Variants in GHITM observed in about 807,000 individuals in gnomAD.
The protein encoded by GHITM is growth hormone inducible transmembrane protein.
Under a neutral mutation model 38.7 loss-of-function variants are expected in GHITM, and 24 were observed. The observed-to-expected ratio is 0.62, with a 90% CI of 0.45 to 0.87. The LOEUF is 0.87. Ranked by LOEUF, GHITM falls within the 40% of genes least tolerant of loss-of-function variation. The probability of loss-of-function intolerance (pLI) is 0.00; values close to 1 mark genes in which losing one functional copy is unlikely to be tolerated. For missense variants in GHITM, 420 were observed against 429.8 expected, an observed-to-expected ratio of 0.98 and a Z score of 0.20; for synonymous variants, 154 against 147.8, an observed-to-expected ratio of 1.04 and a Z score of -0.30.
Position 84,144,314 on chromosome 10 carries a change from G to A in GHITM, c.341+208G>A, listed in dbSNP as rs137866366. On this transcript the variant is annotated intron_variant, in intron 4 of 8. Transcript: ENST00000372134. Reference sequence around the variant, plus strand: ...AAAATCTTTTAGCAAGGTTATATGTGTTTAAGCAAAGAGAAAATATGAAAT... The same window carrying A: ...AAAATCTTTTAGCAAGGTTATATGTATTTAAGCAAAGAGAAAATATGAAAT... Among the ~76,000 whole-genome samples, 1,487 of 152,252 alleles carry A rather than the reference G, an allele frequency of 9.8e-3. 23 individuals carry two copies. Among genetic ancestry groups the A allele is most frequent in the African/African-American group, 0.029 (1,214 of 41,546 alleles).
chr10:84,148,198 A>T (rs188406994), intron 5 of GHITM, among the ~76,000 whole-genome samples: 2 of 152,340 alleles, frequency 1.3e-5, no homozygotes, highest in African/African-American at 4.8e-5. Flanking sequence ...ATATGGCAGT[A>T]GGGGGCACTC....
chr10:84,146,179 T>G (rs1841555155), intron 5 of GHITM, among the ~76,000 whole-genome samples: 1 of 152,096 alleles, frequency 6.6e-6, no homozygotes, highest in Non-Finnish European at 1.5e-5. Flanking sequence ...AGAGGGAAAT[T>G]CAAGTGTTTG....
intron 5 of GHITM, among the ~76,000 whole-genome samples, chr10:84,145,447 T>C (rs4567394): frequency 0.14 from 20,668 of 152,154 alleles, 1,713 homozygotes; most frequent in East Asian, 0.35. Flanking sequence ...AAACATGTAT[T>C]CGAATAATAC....
At chr10:84,143,956 G>C in intron 3 of GHITM, 39 bp from the exon 4 acceptor site, 1 of 1,228,546 alleles carries the variant, frequency 8.1e-7, no homozygotes, top group Middle Eastern at 1.9e-4. Flanking sequence ...TTGTCCAGAT[G>C]TGCCAGTACT....
exon 9 of GHITM, among the ~76,000 whole-genome samples, chr10:84,153,567 TATG>T (rs1217107598): frequency 6.6e-6 from 1 of 152,196 alleles, no homozygotes; most frequent in African/African-American, 2.4e-5. Context: ...AAGAAGTCTG[TATG>T]ATGACTGAGG....
In GHITM at chr10:84,141,647, G is replaced by T. The variant is rs753975889; in HGVS notation, c.129+18G>T. The T allele has an allele frequency of 2.5e-6, 4 of 1,611,950 alleles. No individual in the cohort carries two copies. The African/African-American group carries it at 5.3e-5, about 22-fold the overall frequency. On this transcript the variant is annotated intron_variant, in intron 2 of 8. Transcript: ENST00000372134. ...CTAGCAGGGTAAAGATAATCTGAAT[G>T]TTTTTATATTGCTTCTTTTTCCATT...
In GHITM at chr10:84,141,470, A is replaced by G. The variant is rs756126885; in HGVS notation, c.-31A>G. 44 of 1,609,300 alleles carry G rather than the reference A, an allele frequency of 2.7e-5. No individual in the cohort carries two copies. Among genetic ancestry groups the G allele is most frequent in the Non-Finnish European group, 3.6e-5 (42 of 1,176,908 alleles). On this transcript the variant is annotated 5_prime_UTR_variant, in exon 2 of 9. Transcript: ENST00000372134. ...CCTTTTTTTTAAACTAGCATTTCAG[A>G]TCTGCTCGGTAGACCTGGTGCACCA...
At chr10:84,145,399 G>A (rs1841547768) in intron 5 of GHITM, among the ~76,000 whole-genome samples, 2 of 152,206 alleles carry the variant, frequency 1.3e-5, no homozygotes, top group African/African-American at 4.8e-5. Context: ...ATAAAAGTAG[G>A]AAGTTCATTC....
In GHITM at chr10:84,150,162, A is replaced by G. The variant is rs1236485950; in HGVS notation, c.700A>G (p.Met234Val). 1.9e-6 allele frequency: 3 copies of G among 1,613,916 alleles called. No individual in the cohort carries two copies. The highest frequency in any genetic ancestry group is 4.5e-5 in the East Asian group (2 of 44,886). The stretch of plus-strand genomic sequence containing the variant: ...TGTGGGAGGCCTCTCCACTGTGGCC[A>G]TGTGTGCGCCCAGTGAAAAGTTTCT... ...GIVGGLSTVA[M>V]CAPSEKFLNM... The change falls in exon 7 of 9, where the codon ATG becomes GTG. Residue 234 changes from methionine to valine, a missense_variant. By Grantham distance (21) the Met-to-Val change is conservative (BLOSUM62 1). Coordinates refer to ENST00000372134, the MANE Select transcript of GHITM (RefSeq NM_014394.3).
chr10:84,144,764 A>G (rs1841541580), intron 4 of GHITM, 111 bp from the exon 5 acceptor site: 1 of 605,186 alleles, frequency 1.7e-6, no homozygotes, highest in Non-Finnish European at 2.9e-6. Flanking sequence ...AATGAAGTGA[A>G]TAAGATTTAA....
chr10:84,144,245 A>G, intron 4 of GHITM, 139 bp downstream of exon 4: 1 of 568,010 alleles, frequency 1.8e-6, no homozygotes, highest in Non-Finnish European at 3.2e-6. Flanking sequence ...CAAATAGAGA[A>G]TCTCTTTTTG....
intron 1 of GHITM, chr10:84,140,359 A>G (rs936924117): frequency 6.6e-6 from 1 of 152,188 alleles, no homozygotes; most frequent in African/African-American, 2.4e-5. Flanking sequence ...TCTTAAAGCA[A>G]TAGTTCTTAG....
At position 84,144,102 on chromosome 10, in the gene GHITM, G is replaced by A; in HGVS notation, c.337G>A (p.Ala113Thr). 2 of 1,597,716 alleles carry A rather than the reference G, an allele frequency of 1.3e-6. No homozygotes were observed. Among genetic ancestry groups the A allele is most frequent in the South Asian group, 1.1e-5 (1 of 90,722 alleles). The change falls in exon 4 of 9, where the codon GCT becomes ACT. Residue 113 changes from alanine (A) to threonine (T), a missense_variant. Coordinates refer to ENST00000372134, the MANE Select transcript of GHITM (RefSeq NM_014394.3). ...TAATGAGATTGGAGCTATTGAAAAGGCTGTGTAAGTAAATTGTTTTAAGTA... is the reference window on the plus strand; with the variant it reads ...TAATGAGATTGGAGCTATTGAAAAGACTGTGTAAGTAAATTGTTTTAAGTA... ...LSNEIGAIEK[A>T]VIWPQYVKDR...
Position 84,152,271 on chromosome 10 carries a change from A to G in GHITM, c.961A>G (p.Ser321Gly), listed in dbSNP as rs1210799992. ...CATAATTTTCTTTTCTAGGATGCTG[A>G]GTATCTACATGGATACATTAAATAT... is the stretch of plus-strand genomic sequence containing the variant. ...QKYDPINSML[S>G]IYMDTLNIFM... is the part of the protein sequence containing the mutation. Residue 321 changes from serine (S) to glycine (G), a missense_variant, in exon 9 of 9, where the codon AGT becomes GGT. By Grantham distance (56) the Ser-to-Gly change is moderately conservative (BLOSUM62 0). Coordinates refer to ENST00000372134, the MANE Select transcript of GHITM (RefSeq NM_014394.3). The G allele has an allele frequency of 6.4e-7, 1 of 1,556,168 alleles. No individual in the cohort carries two copies. Among genetic ancestry groups the G allele is most frequent in the East Asian group, 2.3e-5 (1 of 44,386 alleles).
rs1320296541 is a variant in GHITM, at chr10:84,141,321, T to G, written c.-39-141T>G. ...TGGGCAAAGAATTCATCGCTGAAAA[T>G]TAAAAAGGTCGCTTTATTTCCTGTT... On this transcript the variant is annotated intron_variant, in intron 1 of 8. Coordinates refer to ENST00000372134, the MANE Select transcript of GHITM (RefSeq NM_014394.3). 2.7e-5 allele frequency: 15 copies of G among 555,258 alleles called. No individual in the cohort carries two copies. In the South Asian group the frequency reaches 3.1e-4, roughly 12 times the overall value. The allele number at this position is 555,258 out of a possible 1,614,324, so 34.4% of individuals were successfully genotyped here. A position where few individuals can be genotyped will look rare whatever the true frequency, so the allele number is the denominator to read the frequency against.
intron 4 of GHITM, among the ~76,000 whole-genome samples, chr10:84,144,325 G>C (rs1222746184): frequency 6.6e-6 from 1 of 152,092 alleles, no homozygotes; most frequent in Non-Finnish European, 1.5e-5. Flanking sequence ...TTTAAGCAAA[G>C]AGAAAATATG....
intron 7 of GHITM, 34 bp from the exon 8 acceptor site, chr10:84,150,675 T>TA (rs762724853): frequency 3.2e-5 from 49 of 1,549,030 alleles, no homozygotes; most frequent in Middle Eastern, 1.9e-4. Context: ...AATCCTTTTT[T>TA]AAAAAAAATC....
At chr10:84,147,024 G>A (rs1841563263) in intron 5 of GHITM, among the ~76,000 whole-genome samples, 1 of 152,138 alleles carries the variant, frequency 6.6e-6, no homozygotes, top group Non-Finnish European at 1.5e-5. Context: ...GACCAGATAT[G>A]GAAGGAGATA....
At chr10:84,151,769 AT>A (rs1340606505) in intron 8 of GHITM, among the ~76,000 whole-genome samples, 1 of 152,044 alleles carries the variant, frequency 6.6e-6, no homozygotes, top group East Asian at 1.9e-4. Flanking sequence ...TGTCTGTCAC[AT>A]TTTTTTAAAG....
Sources: allele counts gnomAD v4.1 joint callset (sites outside exome capture counted in the v4.1 genomes callset), GRCh38; gene constraint gnomAD v4.1.1; transcripts MANE v1.5; gene names NCBI Gene and HGNC (gene_info 2026-07-23, HGNC 2026-07-21).